Variants in GRIP1 observed in about 807,000 individuals in gnomAD.
The protein encoded by GRIP1 is glutamate receptor-interacting protein 1.
In GRIP1, 45 loss-of-function variants were observed where a neutral mutation model predicts 129.9. The observed-to-expected ratio is 0.35, with a 90% CI of 0.27 to 0.44. The LOEUF (loss-of-function observed/expected upper bound fraction) is 0.44, where lower values mean the gene tolerates loss of function less well. Among genes scored for constraint, GRIP1 ranks in the 20% least tolerant of loss-of-function variants. GRIP1 has a pLI of 1.00. For missense variants in GRIP1, 1,196 were observed against 1,396.8 expected, an observed-to-expected ratio of 0.86 and a Z score of 2.29; for synonymous variants, 530 against 520.8, an observed-to-expected ratio of 1.02 and a Z score of -0.24.
chr12:66,762,022 T>C (rs1476640668), intron 1 of GRIP1, among the ~76,000 whole-genome samples: 1 of 152,158 alleles, frequency 6.6e-6, no homozygotes, highest in African/African-American at 2.4e-5. Flanking sequence ...TTCCTATCCC[T>C]CAGAGTTATT....
chr12:66,815,825 T>TTTCTTTCTTTCC (rs1403401771), intron 1 of GRIP1, among the ~76,000 whole-genome samples: 101 of 86,336 alleles, frequency 1.2e-3, no homozygotes, highest in Middle Eastern at 0.014. Context: ...GAAAGATTTC[T>TTTCTTTCTTTCC]TTCTTTCTTT....
intron 7 of GRIP1, among the ~76,000 whole-genome samples, chr12:66,510,969 G>C (rs746838827): frequency 5.3e-5 from 8 of 152,178 alleles, no homozygotes; most frequent in Non-Finnish European, 1.2e-4. Flanking sequence ...ATGCTGATCA[G>C]AATGGTTAGA....
At chr12:66,475,725 A>G (rs1330119343) in intron 7 of GRIP1, among the ~76,000 whole-genome samples, 1 of 152,236 alleles carries the variant, frequency 6.6e-6, no homozygotes, top group African/African-American at 2.4e-5. Flanking sequence ...CTCCTGAATG[A>G]CTACTGGGTA....
intron 23 of GRIP1, 138 bp from the exon 24 acceptor site, chr12:66,353,701 C>G: frequency 1.3e-6 from 1 of 790,570 alleles, no homozygotes. Context: ...CTCCCTGCAC[C>G]AATCCTGCAG....
At chr12:66,548,391 C>G (rs1283858467) in intron 2 of GRIP1, among the ~76,000 whole-genome samples, 1 of 152,332 alleles carries the variant, frequency 6.6e-6, no homozygotes, top group African/African-American at 2.4e-5. Flanking sequence ...AGACAGCTCT[C>G]TTGAAAGCCA....
chr12:66,831,801 C>T (rs898743366), intron 1 of GRIP1, among the ~76,000 whole-genome samples: 8 of 152,158 alleles, frequency 5.3e-5, no homozygotes, highest in Admixed American at 1.3e-4. Flanking sequence ...AATCTCCTGA[C>T]GCCTTGGTAT....
intron 1 of GRIP1, chr12:67,069,046 T>C: frequency 1.2e-6 from 1 of 847,350 alleles, no homozygotes; most frequent in Non-Finnish European, 1.4e-6. Flanking sequence ...GCCGCCTGGC[T>C]CACCTCTCTC....
At chr12:66,585,068 C>T (rs1226502759) in intron 2 of GRIP1, among the ~76,000 whole-genome samples, 1 of 151,728 alleles carries the variant, frequency 6.6e-6, no homozygotes, top group Non-Finnish European at 1.5e-5. Context: ...ATTATTTTAT[C>T]AATTATGATA....
chr12:66,958,502 G>A (rs2041876059), intron 1 of GRIP1, among the ~76,000 whole-genome samples: 2 of 152,178 alleles, frequency 1.3e-5, no homozygotes. Context: ...TCCTGTGCCA[G>A]CACCAGAATC....
intron 24 of GRIP1, among the ~76,000 whole-genome samples, chr12:66,350,868 TAAGAAACTAA>T (rs1468559569): frequency 6.6e-6 from 1 of 152,196 alleles, no homozygotes; most frequent in Non-Finnish European, 1.5e-5. Flanking sequence ...TTATCCTGCT[TAAGAAACTAA>T]TATGCCTCCA....
intron 7 of GRIP1, among the ~76,000 whole-genome samples, chr12:66,466,343 T>G (rs923213212): frequency 1.6e-4 from 25 of 152,190 alleles, no homozygotes; most frequent in Non-Finnish European, 5.9e-5. Flanking sequence ...ATCACAGCAT[T>G]CTCAGTGCCT....
Position 66,777,203 on chromosome 12 carries a change from A to G in GRIP1, c.-420+26850T>C, listed in dbSNP as rs926568466. 8.6e-5 allele frequency among the ~76,000 whole-genome samples: 13 copies of G among 151,844 alleles called. 1 individual carries two copies. Among genetic ancestry groups the G allele is most frequent in the Non-Finnish European group, 2.9e-5 (2 of 67,958 alleles). On this transcript the variant is annotated intron_variant, in intron 1 of 4. Coordinates refer to the GRIP1 transcript ENST00000538373. ...GGCAAAGCCACACAGGATCTGCTGC[A>G]CTCCCCACCCTGACCTCACTCACGC...
At chr12:66,791,765 A>C (rs1456075220) in intron 1 of GRIP1, among the ~76,000 whole-genome samples, 1 of 152,122 alleles carries the variant, frequency 6.6e-6, no homozygotes, top group African/African-American at 2.4e-5. Context: ...CTGAGATTTT[A>C]ATGCACCTGT....
At chr12:66,693,375 C>G (rs1363739631) in intron 1 of GRIP1, among the ~76,000 whole-genome samples, 1 of 152,140 alleles carries the variant, frequency 6.6e-6, no homozygotes, top group African/African-American at 2.4e-5. Flanking sequence ...GGCCTGCATT[C>G]CCGCATGCAA....
chr12:66,788,746 G>A (rs1047692708), intron 1 of GRIP1, among the ~76,000 whole-genome samples: 30 of 151,982 alleles, frequency 2.0e-4, no homozygotes, highest in African/African-American at 6.3e-4. Flanking sequence ...CTGCAGCTAC[G>A]TTGGTGAGCT....
intron 1 of GRIP1, among the ~76,000 whole-genome samples, chr12:66,898,161 G>A (rs1374548605): frequency 6.6e-6 from 1 of 152,168 alleles, no homozygotes; most frequent in Admixed American, 6.5e-5. Context: ...GGCAAGAACT[G>A]AGATTCAAAA....
At chr12:66,651,679 T>A (rs1331833594) in intron 1 of GRIP1, among the ~76,000 whole-genome samples, 1 of 152,120 alleles carries the variant, frequency 6.6e-6, no homozygotes, top group Non-Finnish European at 1.5e-5. Context: ...ACTGGCAACA[T>A]GTTAAGTAGA....
intron 1 of GRIP1, among the ~76,000 whole-genome samples, chr12:66,613,197 C>T (rs988043783): frequency 3.3e-5 from 5 of 152,228 alleles, no homozygotes; most frequent in Middle Eastern, 6.8e-3. Context: ...TTTCATAGCA[C>T]GAGGATATCA....
intron 1 of GRIP1, among the ~76,000 whole-genome samples, chr12:66,723,299 TC>T (rs1351236420): frequency 1.3e-4 from 5 of 39,944 alleles, no homozygotes; most frequent in African/African-American, 6.5e-4. Flanking sequence ...TTTCTTTCTT[TC>T]TTTCTTTTTT....
Sources: gnomAD v4.1 joint callset for allele counts (sites outside exome capture counted in the v4.1 genomes callset) on GRCh38, gnomAD v4.1.1 for gene constraint, MANE v1.5 for transcripts, NCBI Gene and HGNC (gene_info 2026-07-23, HGNC 2026-07-21) for gene names.